Variants in CYP4F3 observed in about 807,000 individuals in gnomAD.
CYP4F3 encodes cytochrome P450 4F3.
A neutral mutation model predicts 54.8 loss-of-function variants in CYP4F3; 50 were observed. That is an observed-to-expected ratio of 0.91 (90% CI 0.73 to 1.16). The LOEUF is 1.16. Among genes scored for constraint, CYP4F3 ranks in the 50% most tolerant of loss-of-function variants. CYP4F3 has a pLI of 0.00. For missense variants in CYP4F3, 715 were observed against 676.2 expected (o/e 1.06, Z -0.64); for synonymous variants, 244 against 262.6 (o/e 0.93, Z 0.69).
chr19:15,652,974 C>T (rs1388515793), intron 9 of CYP4F3, 22 bp downstream of exon 9: 6 of 1,588,974 alleles, frequency 3.8e-6, no homozygotes, highest in Non-Finnish European at 5.1e-6. Flanking sequence ...TGCTGGTGCC[C>T]TGTTCCTGAG....
chr19:15,657,791 ATTC>A (rs1183376994), intron 9 of CYP4F3, among the ~76,000 whole-genome samples: 4 of 152,104 alleles, frequency 2.6e-5, no homozygotes, highest in Admixed American at 2.0e-4. Flanking sequence ...TGGAACTGGT[ATTC>A]TTATTATTTT....
At position 15,649,145 on chromosome 19, in the gene CYP4F3, C is replaced by A; in HGVS notation, c.526-15C>A. The stretch of plus-strand genomic sequence containing the variant: ...GCAAGGGACCTGCCCCAGCTCTGTC[C>A]CCTTCTCTGGCTAGGCCAAGTGGCA... On this transcript the variant is annotated splice_polypyrimidine_tract_variant and intron_variant, in intron 5 of 12. Transcript: ENST00000221307. The A allele has an allele frequency of 6.2e-7, 1 of 1,612,950 alleles. No homozygotes were observed. The highest frequency in any genetic ancestry group is 8.5e-7 in the Non-Finnish European group (1 of 1,179,202).
rs141482165 is a variant in CYP4F3, at chr19:15,658,737, C to T, written c.1325C>T (p.Pro442Leu). 10 of 1,613,992 alleles carry T rather than the reference C, an allele frequency of 6.2e-6. No individual in the cohort carries two copies. The highest frequency in any genetic ancestry group is 8.5e-6 in the Non-Finnish European group (10 of 1,180,040). Residue 442 changes from proline (P) to leucine (L), a missense_variant, in exon 12 of 13, where the codon CCC becomes CTC. Transcript: ENST00000221307. The part of the protein sequence containing the change: ...AVWPDPEVYD[P>L]FRFDPKNIKE... Reference sequence around the variant, plus strand: ...TGGTCTCGCCTCCAGGTCTATGACCCCTTTCGCTTTGACCCAAAGAACATC... The same window carrying T: ...TGGTCTCGCCTCCAGGTCTATGACCTCTTTCGCTTTGACCCAAAGAACATC...
At position 15,644,024 on chromosome 19, in the gene CYP4F3, A is replaced by T. The variant is rs759895780; in HGVS notation, c.199-1695A>T. The T allele has an allele frequency of 3.1e-6, 5 of 1,600,492 alleles. No individual in the cohort carries two copies. In the Admixed American group the frequency reaches 8.6e-5, roughly 28 times the overall value. Reference sequence around the variant, plus strand: ...CGTCATCCGTTTTTGCCACCCCAACATCATCCGGTCTGTCATCAACGCCTC... The same window carrying T: ...CGTCATCCGTTTTTGCCACCCCAACTTCATCCGGTCTGTCATCAACGCCTC... On this transcript the variant is annotated intron_variant, in intron 2 of 12. Transcript: ENST00000221307.
chr19:15,647,049 C>T lies in CYP4F3; in HGVS notation c.344-3C>T. 1 of 1,614,218 alleles carries T rather than the reference C, an allele frequency of 6.2e-7. No individual in the cohort carries two copies. Among genetic ancestry groups the T allele is most frequent in the Non-Finnish European group, 8.5e-7 (1 of 1,180,020 alleles). ...GGCCCCTGATTGTCCTCATTTATGT[C>T]AGCTGCCATTGTACCAAAGGACAAG... On this transcript the variant is annotated splice_polypyrimidine_tract_variant and splice_region_variant and intron_variant, in intron 3 of 12. Transcript: ENST00000221307.
chr19:15,654,127 T>C (rs28371487), intron 9 of CYP4F3, among the ~76,000 whole-genome samples: 20,835 of 152,098 alleles, frequency 0.14, 1,760 homozygotes, highest in Middle Eastern at 0.22. Context: ...GACGGGTGTC[T>C]TGGACTCAGT....
At chr19:15,658,684 C>T in intron 11 of CYP4F3, 43 bp from the exon 12 acceptor site, 2 of 1,612,112 alleles carry the variant, frequency 1.2e-6, no homozygotes, top group Non-Finnish European at 1.7e-6. Flanking sequence ...GGCTGGCGGA[C>T]TGGGAGACCC....
At position 15,641,517 on chromosome 19, in the gene CYP4F3, C is replaced by A; in HGVS notation, c.102C>A (p.Ile34=). 2 of 1,614,186 alleles carry A rather than the reference C, an allele frequency of 1.2e-6. No individual in the cohort carries two copies. Among genetic ancestry groups the A allele is most frequent in the Non-Finnish European group, 8.5e-7 (1 of 1,180,040 alleles). The change falls in exon 2 of 13, where the codon ATC becomes ATA. Residue 34 remains isoleucine (I), a synonymous_variant. Coordinates refer to ENST00000221307, the MANE Select transcript of CYP4F3 (RefSeq NM_000896.3). ...LVGASWLLAR[I]LAWTYTFYDN... ...GGGCCTCCTGGCTCCTGGCCCGCAT[C>A]CTGGCCTGGACCTATACCTTCTATG...
intron 3 of CYP4F3, 80 bp from the exon 4 acceptor site, chr19:15,646,972 C>T: frequency 6.3e-7 from 1 of 1,586,602 alleles, no homozygotes; most frequent in Non-Finnish European, 8.6e-7. Context: ...GTGCAAACCT[C>T]TTGCTGGGAG....
chr19:15,653,566 C>T (rs1972925196), intron 9 of CYP4F3, among the ~76,000 whole-genome samples: 1 of 152,086 alleles, frequency 6.6e-6, no homozygotes, highest in South Asian at 2.1e-4. Context: ...CAGTCCCAGC[C>T]CACGTGGGCA....
rs55852534 is a variant in CYP4F3 at position 15,659,561 on chromosome 19, A to G, written c.*176A>G. The G allele has an allele frequency of 3.2e-3, 3,862 of 1,225,256 alleles. 102 individuals carry two copies. The African/African-American group carries it at 0.051, about 16-fold the overall frequency. The allele number at this position is 1,225,256 out of a possible 1,614,324, so 75.9% of individuals were successfully genotyped here. A position where few individuals can be genotyped will look rare whatever the true frequency, so the allele number is the denominator to read the frequency against. On this transcript the variant is annotated 3_prime_UTR_variant, in exon 13 of 13. Transcript: ENST00000221307. ...ACGCTTGTGCGTGAATGTTCATGGC[A>G]GCCCTATTCACAGTAGCCAAACGAT...
chr19:15,659,646 A>T lies in CYP4F3; in HGVS notation c.*261A>T. On this transcript the variant is annotated 3_prime_UTR_variant, in exon 13 of 13. Transcript: ENST00000221307. Reference sequence around the variant, plus strand: ...AGGATAAACAAAATATGGTCCATCCATACAATGGAGTATTACACAGCCATA... The same window carrying T: ...AGGATAAACAAAATATGGTCCATCCTTACAATGGAGTATTACACAGCCATA... The T allele has an allele frequency of 1.8e-6, 1 of 554,298 alleles. No individual in the cohort carries two copies. Among genetic ancestry groups the T allele is most frequent in the Non-Finnish European group, 3.1e-6 (1 of 320,890 alleles). 34.3% of individuals were successfully genotyped at this position (554,298 alleles called of 1,614,324 possible).
In CYP4F3 at chr19:15,659,749, G is replaced by A; in HGVS notation, c.*364G>A. The A allele has an allele frequency of 4.5e-6, 1 of 222,682 alleles. No individual in the cohort carries two copies. The highest frequency in any genetic ancestry group is 2.3e-5 in the African/African-American group (1 of 43,606). 13.8% of individuals were successfully genotyped at this position (222,682 alleles called of 1,614,324 possible). A position where few individuals can be genotyped will look rare whatever the true frequency, so the allele number is the denominator to read the frequency against. Reference sequence around the variant, plus strand: ...TGATACTGAATGAAAGACATCAGATGCAAAAGGTCACATAGTGTACTGTCC... The same window carrying A: ...TGATACTGAATGAAAGACATCAGATACAAAAGGTCACATAGTGTACTGTCC... On this transcript the variant is annotated 3_prime_UTR_variant, in exon 13 of 13. Coordinates refer to ENST00000221307, the MANE Select transcript of CYP4F3 (RefSeq NM_000896.3).
chr19:15,641,267 C>T (rs894738806), intron 1 of CYP4F3, 148 bp from the exon 2 acceptor site: 12 of 1,017,864 alleles, frequency 1.2e-5, no homozygotes, highest in African/African-American at 3.2e-5. Flanking sequence ...CTGGACTTTA[C>T]CCCTCAGCCC....
In CYP4F3 at chr19:15,662,251, A is replaced by C. The variant is rs1163606205; in HGVS notation, c.*2866A>C. The C allele has an allele frequency of 8.2e-6, 1 of 122,484 alleles. No homozygotes were observed. Among genetic ancestry groups the C allele is most frequent in the Non-Finnish European group, 1.6e-5 (1 of 61,728 alleles). 7.6% of individuals were successfully genotyped at this position (122,484 alleles called of 1,614,324 possible). On this transcript the variant is annotated 3_prime_UTR_variant, in exon 13 of 13. Coordinates refer to ENST00000221307, the MANE Select transcript of CYP4F3 (RefSeq NM_000896.3). ...GTGCCACTGCACTCCAGCCTGGGTG[A>C]AAGAGCTAGATTCTCTCTCTCAAAA...
At position 15,661,367 on chromosome 19, in the gene CYP4F3, C is replaced by T. The variant is rs1017618291; in HGVS notation, c.*1982C>T. ...AAAGCATCTGCATCGTGTTTAATTT[C>T]CATAAGTAACGTATGAGAATTCTAG... On this transcript the variant is annotated 3_prime_UTR_variant, in exon 13 of 13. Coordinates refer to ENST00000221307, the MANE Select transcript of CYP4F3 (RefSeq NM_000896.3). 6.6e-6 allele frequency: 1 copy of T among 152,202 alleles called. No homozygotes were observed. The highest frequency in any genetic ancestry group is 1.9e-4 in the East Asian group (1 of 5,192). 9.4% of individuals were successfully genotyped at this position (152,202 alleles called of 1,614,324 possible).
Position 15,652,826 on chromosome 19 carries a change from A to G in CYP4F3, c.989A>G (p.His330Arg), listed in dbSNP as rs760885195. 6.2e-7 allele frequency: 1 copy of G among 1,611,550 alleles called. No individual in the cohort carries two copies. Among genetic ancestry groups the G allele is most frequent in the African/African-American group, 1.3e-5 (1 of 74,954 alleles). The change falls in exon 9 of 13, where the codon CAT becomes CGT. Residue 330 changes from histidine to arginine, a missense_variant. Coordinates refer to ENST00000221307, the MANE Select transcript of CYP4F3 (RefSeq NM_000896.3). ...AEADTFMFEG[H>R]DTTASGLSWV... is the part of the protein sequence containing the mutation. ...AGCCTGCCTTGCTGCCCCCCAGGCC[A>G]TGACACCACAGCCAGTGGTCTCTCC...
Position 15,645,769 on chromosome 19 carries a change from C to T in CYP4F3, c.249C>T (p.Thr83=), listed in dbSNP as rs984108258. The T allele has an allele frequency of 6.8e-6, 11 of 1,614,014 alleles. No homozygotes were observed. The highest frequency in any genetic ancestry group is 1.3e-5 in the African/African-American group (1 of 74,940). The part of the protein sequence containing the change: ...GLLYTQSLAC[T]FGDMCCWWVG... ...TATACACACAAAGCCTGGCATGCACCTTCGGTGATATGTGCTGCTGGTGGG... is the reference window on the plus strand; with the variant it reads ...TATACACACAAAGCCTGGCATGCACTTTCGGTGATATGTGCTGCTGGTGGG... Residue 83 remains threonine, a synonymous_variant, in exon 3 of 13, where the codon ACC becomes ACT. Transcript: ENST00000221307.
intron 7 of CYP4F3, among the ~76,000 whole-genome samples, chr19:15,652,283 A>AT (rs4646510): frequency 1.3e-5 from 2 of 151,782 alleles, no homozygotes; most frequent in African/African-American, 4.8e-5. Flanking sequence ...GTTGCCAGTG[A>AT]TTTTTTTCTC....
Sources: allele counts gnomAD v4.1 joint callset (sites outside exome capture counted in the v4.1 genomes callset), GRCh38; gene constraint gnomAD v4.1.1; transcripts MANE v1.5; gene names NCBI Gene and HGNC (gene_info 2026-07-23, HGNC 2026-07-21).